NFKBIZ: variants seen among roughly 807,000 people sequenced by gnomAD.
NFKBIZ encodes the protein NF-kappa-B inhibitor zeta.
NFKBIZ carries 19 observed loss-of-function variants against 76.8 expected under a neutral mutation model. The observed-to-expected ratio is 0.25, with a 90% CI of 0.17 to 0.36. The LOEUF is 0.36. Ranked by LOEUF, NFKBIZ falls within the 10% of genes least tolerant of loss-of-function variation. The probability of loss-of-function intolerance (pLI) is 1.00; values close to 1 mark genes in which losing one functional copy is unlikely to be tolerated. For missense variants in NFKBIZ, 829 were observed against 910.9 expected, an observed-to-expected ratio of 0.91 and a Z score of 1.16; for synonymous variants, 368 against 354.8, an observed-to-expected ratio of 1.04 and a Z score of -0.42.
At chr3:101,838,968 C>T (rs763593509) in intron 2 of NFKBIZ, among the ~76,000 whole-genome samples, 21 of 152,102 alleles carry the variant, frequency 1.4e-4, no homozygotes, top group Non-Finnish European at 2.1e-4. Flanking sequence ...CATAGTATTC[C>T]GCATATGGCA....
At chr3:101,854,046 CA>C (rs1165190454) in intron 5 of NFKBIZ, among the ~76,000 whole-genome samples, 183 bp downstream of exon 5, 6 of 152,140 alleles carry the variant, frequency 3.9e-5, no homozygotes, top group Non-Finnish European at 8.8e-5. Flanking sequence ...GGTTTTCCTT[CA>C]AAAAATTTTT....
In NFKBIZ at chr3:101,853,110, C is replaced by T. The variant is rs191580913; in HGVS notation, c.584C>T (p.Thr195Met). 5.6e-5 allele frequency: 91 copies of T among 1,613,694 alleles called. 1 individual carries two copies. Among genetic ancestry groups the T allele is most frequent in the East Asian group, 3.1e-4 (14 of 44,886 alleles). Residue 195 changes from threonine to methionine, a missense_variant, in exon 5 of 12, where the codon ACG becomes ATG. Around this residue, in one of 4 missense-constraint regions of NFKBIZ, gnomAD observed 371 missense variants for 332.3 expected, o/e 1.12. Coordinates refer to ENST00000326172, the MANE Select transcript of NFKBIZ (RefSeq NM_031419.4). ...SQFLTPPQTP[T>M]PGESMEDVHL... Reference sequence around the variant, plus strand: ...TTCCAGACACCACCTCAAACACCAACGCCCGGGGAGAGCATGGAAGATGTT... The same window carrying T: ...TTCCAGACACCACCTCAAACACCAATGCCCGGGGAGAGCATGGAAGATGTT...
At position 101,849,588 on chromosome 3, in the gene NFKBIZ, T is replaced by C; in HGVS notation, c.-41T>C. ...GAGGCAGCCGCGCGCAGCGAGCCGG[T>C]GGCGCAGGTGTCGGGGTCCTCGAGC... On this transcript the variant is annotated 5_prime_UTR_variant, in exon 1 of 12. Transcript: ENST00000326172. 1 of 1,299,632 alleles carries C rather than the reference T, an allele frequency of 7.7e-7. No homozygotes were observed. The highest frequency in any genetic ancestry group is 9.7e-7 in the Non-Finnish European group (1 of 1,026,140). 80.5% of individuals were successfully genotyped at this position (1,299,632 alleles called of 1,614,324 possible).
At chr3:101,829,223 G>A (rs1345159671) in intron 1 of NFKBIZ, among the ~76,000 whole-genome samples, 1 of 152,182 alleles carries the variant, frequency 6.6e-6, no homozygotes, top group Admixed American at 6.5e-5. Flanking sequence ...GGGTACAGGC[G>A]TGGAGCACTG....
intron 2 of NFKBIZ, among the ~76,000 whole-genome samples, chr3:101,843,034 A>AAAC (rs1179519129): frequency 6.8e-6 from 1 of 148,048 alleles, no homozygotes; most frequent in Non-Finnish European, 1.5e-5. Flanking sequence ...AAAAAAAAAA[A>AAAC]AAAAAAAAAA....
Position 101,857,299 on chromosome 3 carries a change from A to C in NFKBIZ, c.1943A>C (p.Asn648Thr). Residue 648 changes from asparagine to threonine, a missense_variant, in exon 11 of 12, where the codon AAT (asparagine) becomes ACT (threonine). Transcript: ENST00000326172. ...TCATTTCTTTGTCTTCAGGCTTACA[A>C]TGGCAACACTGCCCTCCATGTTGCT... ...CLSFVNAKAY[N>T]GNTALHVAAS... is the part of the protein sequence containing the mutation. 1 of 1,614,148 alleles carries C rather than the reference A, an allele frequency of 6.2e-7. No individual in the cohort carries two copies. The highest frequency in any genetic ancestry group is 8.5e-7 in the Non-Finnish European group (1 of 1,180,020).
chr3:101,852,658 T>C, intron 2 of NFKBIZ, 80 bp from the exon 3 acceptor site: 2 of 909,838 alleles, frequency 2.2e-6, no homozygotes, highest in Non-Finnish European at 1.7e-6. Context: ...TAAAGGGTGG[T>C]AGAGATAAGC....
rs960763673 is a variant in NFKBIZ, at chr3:101,858,461, GCTT to G, written c.2104-854_2104-852del. ...AGGCAGAGTCCTAAGCCCAGTATTT[GCTT>G]CTACTTCACTGTTTGTGGTGTGCAG... On this transcript the variant is annotated intron_variant, in intron 11 of 11. Coordinates refer to ENST00000326172, the MANE Select transcript of NFKBIZ (RefSeq NM_031419.4). The G allele has an allele frequency of 9.1e-6, 9 of 984,810 alleles. No individual in the cohort carries two copies. The African/African-American group carries it at 1.6e-4, about 17-fold the overall frequency. The allele number at this position is 984,810 out of a possible 1,614,324, so 61.0% of individuals were successfully genotyped here. A position where few individuals can be genotyped will look rare whatever the true frequency, so the allele number is the denominator to read the frequency against.
chr3:101,833,249 A>G (rs1333061269), intron 2 of NFKBIZ, among the ~76,000 whole-genome samples: 1 of 152,236 alleles, frequency 6.6e-6, no homozygotes, highest in African/African-American at 2.4e-5. Flanking sequence ...GGCCAGAGCT[A>G]CAAAGGTGAT....
rs201726156 is a variant in NFKBIZ, at chr3:101,853,115, G to A, written c.589G>A (p.Gly197Arg). The A allele has an allele frequency of 1.7e-5, 28 of 1,613,842 alleles. No homozygotes were observed. The East Asian group carries it at 3.6e-4, about 21-fold the overall frequency. ...GACACCACCTCAAACACCAACGCCCGGGGAGAGCATGGAAGATGTTCATCT... is the reference window on the plus strand; with the variant it reads ...GACACCACCTCAAACACCAACGCCCAGGGAGAGCATGGAAGATGTTCATCT... ...FLTPPQTPTP[G>R]ESMEDVHLNE... Residue 197 changes from glycine to arginine, a missense_variant, in exon 5 of 12, where the codon GGG becomes AGG. Physicochemically the swap from Gly to Arg is moderately radical, Grantham distance 125. Transcript: ENST00000326172.
At chr3:101,834,642 TG>T (rs1486075846) in intron 2 of NFKBIZ, among the ~76,000 whole-genome samples, 1 of 152,170 alleles carries the variant, frequency 6.6e-6, no homozygotes, top group African/African-American at 2.4e-5. Context: ...ATCACAGGCG[TG>T]AGCCACCACA....
At chr3:101,858,058 C>T (rs865914892) in intron 11 of NFKBIZ, 5 of 903,604 alleles carry the variant, frequency 5.5e-6, no homozygotes, top group Non-Finnish European at 6.6e-6. Flanking sequence ...TGAATAGTTT[C>T]ATGAGTAAAC....
intron 2 of NFKBIZ, among the ~76,000 whole-genome samples, chr3:101,831,242 C>CT (rs2107391650): frequency 6.6e-6 from 1 of 152,264 alleles, no homozygotes; most frequent in African/African-American, 2.4e-5. Context: ...AGGGAAAAAT[C>CT]TTAGCTATTA....
At chr3:101,828,838 G>A (rs531303819) in intron 1 of NFKBIZ, among the ~76,000 whole-genome samples, 2 of 152,202 alleles carry the variant, frequency 1.3e-5, no homozygotes, top group Admixed American at 1.3e-4. Context: ...ATTGGGATTA[G>A]TGAATTCGCT....
chr3:101,835,763 A>C (rs1385556160), intron 2 of NFKBIZ, among the ~76,000 whole-genome samples: 1 of 152,126 alleles, frequency 6.6e-6, no homozygotes, highest in Non-Finnish European at 1.5e-5. Flanking sequence ...TCAACATGTG[A>C]ATTTTGGGGG....
chr3:101,853,657 G>T lies in NFKBIZ; in HGVS notation c.1131G>T (p.Met377Ile). 5 of 1,614,248 alleles carry T rather than the reference G, an allele frequency of 3.1e-6. No individual in the cohort carries two copies. The highest frequency in any genetic ancestry group is 4.2e-6 in the Non-Finnish European group (5 of 1,180,044). The change falls in exon 5 of 12, where the codon ATG (methionine) becomes ATT (isoleucine). Residue 377 changes from methionine to isoleucine, a missense_variant. Met to Ile is a conservative substitution (Grantham distance 10). Transcript: ENST00000326172. Reference protein sequence around the residue: ...NDAHLHSFSMMPSSACEAMVG... With the variant: ...NDAHLHSFSMIPSSACEAMVG... ...CTCACTTGCACAGCTTCAGCATGAT[G>T]CCCAGCAGCGCCTGTGAGGCCATGG...
chr3:101,833,711 A>G (rs945088577), intron 2 of NFKBIZ, among the ~76,000 whole-genome samples: 21 of 152,176 alleles, frequency 1.4e-4, no homozygotes, highest in African/African-American at 5.1e-4. Flanking sequence ...CTTCTGTGGT[A>G]AGGTTTCGTA....
At chr3:101,834,872 C>T (rs913713122) in intron 2 of NFKBIZ, among the ~76,000 whole-genome samples, 1 of 152,184 alleles carries the variant, frequency 6.6e-6, no homozygotes, top group Non-Finnish European at 1.5e-5. Flanking sequence ...TGAATGGCTC[C>T]CCATCACATC....
intron 1 of NFKBIZ, among the ~76,000 whole-genome samples, chr3:101,829,127 G>A (rs1047621154): frequency 3.3e-5 from 5 of 152,064 alleles, no homozygotes; most frequent in African/African-American, 1.2e-4. Flanking sequence ...TTATTTATTT[G>A]GCCTCAGAAT....
Sources: gnomAD v4.1 joint callset for allele counts (sites outside exome capture counted in the v4.1 genomes callset) on GRCh38, gnomAD v4.1.1 for gene constraint, gnomAD v4.1.1 regional missense constraint, MANE v1.5 for transcripts, NCBI Gene and HGNC (gene_info 2026-07-23, HGNC 2026-07-21) for gene names.